SMARCC1: variants seen among roughly 807,000 people sequenced by gnomAD.
SMARCC1 encodes SWI/SNF complex subunit SMARCC1.
In SMARCC1, 43 loss-of-function variants were observed where a neutral mutation model predicts 147.4. The ratio of observed to expected loss-of-function variants is 0.29; its 90% CI spans 0.23 to 0.38. SMARCC1 has a LOEUF of 0.38. Ranked by LOEUF, SMARCC1 falls within the 10% of genes least tolerant of loss-of-function variation. The pLI is 1.00. For synonymous variants in SMARCC1, 495 were observed against 484.4 expected (o/e 1.02, Z -0.29); for missense variants, 1,119 against 1,381.1 (o/e 0.81, Z 3.01).
At chr3:47,681,883 C>T (rs1405659140) in intron 14 of SMARCC1, among the ~76,000 whole-genome samples, 1 of 151,788 alleles carries the variant, frequency 6.6e-6, no homozygotes, top group Non-Finnish European at 1.5e-5. Flanking sequence ...TTAGGAAAGG[C>T]CCACTTTTAA....
chr3:47,727,170 G>A (rs1240282930), intron 6 of SMARCC1, among the ~76,000 whole-genome samples: 3 of 135,020 alleles, frequency 2.2e-5, no homozygotes, highest in South Asian at 2.4e-4. Context: ...CCAAGATGAC[G>A]CCACTACACT....
At chr3:47,771,652 G>C (rs1294587817) in intron 2 of SMARCC1, among the ~76,000 whole-genome samples, 1 of 152,130 alleles carries the variant, frequency 6.6e-6, no homozygotes. Context: ...GCTGAGGCAG[G>C]AGAATCGCTT....
intron 2 of SMARCC1, among the ~76,000 whole-genome samples, chr3:47,749,736 CAGAG>C (rs71070224): frequency 0.012 from 1,292 of 110,830 alleles, 14 homozygotes; most frequent in African/African-American, 0.019. Context: ...GAGAAAGAGA[CAGAG>C]AGAGAGAGAG....
intron 26 of SMARCC1, among the ~76,000 whole-genome samples, chr3:47,600,416 G>A (rs1050480132): frequency 1.3e-5 from 2 of 152,232 alleles, no homozygotes; most frequent in Admixed American, 1.3e-4. Flanking sequence ...ATAAGGTTGA[G>A]TAAGGGTTGA....
intron 27 of SMARCC1, among the ~76,000 whole-genome samples, 176 bp downstream of exon 27, chr3:47,590,485 T>G (rs1413270331): frequency 6.6e-6 from 1 of 152,150 alleles, no homozygotes; most frequent in Admixed American, 6.5e-5. Flanking sequence ...TGTGCACCTG[T>G]CCATCAGGGG....
chr3:47,730,024 T>C (rs774591834), intron 5 of SMARCC1, among the ~76,000 whole-genome samples: 1 of 151,638 alleles, frequency 6.6e-6, no homozygotes, highest in Non-Finnish European at 1.5e-5. Flanking sequence ...ACTAAAAATA[T>C]AAAAATTAGC....
intron 26 of SMARCC1, among the ~76,000 whole-genome samples, chr3:47,595,306 C>G (rs1456618781): frequency 6.6e-6 from 1 of 152,118 alleles, no homozygotes; most frequent in Non-Finnish European, 1.5e-5. Flanking sequence ...GGCGAGATCA[C>G]CTGAGGTCAG....
At position 47,776,303 on chromosome 3, in the gene SMARCC1, A is replaced by T. The variant is rs145077073; in HGVS notation, c.196-3367T>A. 5.1e-4 allele frequency among the ~76,000 whole-genome samples: 77 copies of T among 152,306 alleles called. 1 individual carries two copies. The highest frequency in any genetic ancestry group is 8.7e-4 in the Non-Finnish European group (59 of 68,036). ...CTTTTTTTGTACACGGTAAAGCAAC[A>T]TAAAAAAATAATGACCGGCTGTGCA... On this transcript the variant is annotated intron_variant, in intron 1 of 27. Coordinates refer to ENST00000254480, the MANE Select transcript of SMARCC1 (RefSeq NM_003074.4).
intron 26 of SMARCC1, among the ~76,000 whole-genome samples, chr3:47,598,862 G>GAC (rs113400730): frequency 0.52 from 65,849 of 127,348 alleles, 17,107 homozygotes; most frequent in Non-Finnish European, 0.54. Flanking sequence ...GAGAGAGAGA[G>GAC]ACACACACAC....
intron 8 of SMARCC1, among the ~76,000 whole-genome samples, chr3:47,713,008 A>G (rs1185822253): frequency 6.6e-6 from 1 of 152,106 alleles, no homozygotes; most frequent in Non-Finnish European, 1.5e-5. Context: ...TCAACATTTA[A>G]TTTCCAAAAA....
At chr3:47,752,009 G>A (rs56895758) in intron 2 of SMARCC1, among the ~76,000 whole-genome samples, 1 of 152,114 alleles carries the variant, frequency 6.6e-6, no homozygotes, top group African/African-American at 2.4e-5. Flanking sequence ...ACTTGAACCC[G>A]GGAGGCAGAG....
At chr3:47,609,267 T>C (rs1161436712) in intron 26 of SMARCC1, among the ~76,000 whole-genome samples, 1 of 152,024 alleles carries the variant, frequency 6.6e-6, no homozygotes, top group East Asian at 1.9e-4. Flanking sequence ...GAGGCTGAGG[T>C]GGGCGGATCA....
intron 3 of SMARCC1, among the ~76,000 whole-genome samples, chr3:47,743,708 G>GA (rs2034534972): frequency 7.2e-5 from 11 of 151,730 alleles, no homozygotes; most frequent in Admixed American, 6.6e-4. Flanking sequence ...AGCTACTCAG[G>GA]AGGGTGAGGC....
At chr3:47,692,723 A>T (rs180813812) in intron 12 of SMARCC1, among the ~76,000 whole-genome samples, 33 of 152,236 alleles carry the variant, frequency 2.2e-4, no homozygotes, top group African/African-American at 7.9e-4. Context: ...CACAAGTCTC[A>T]CTTAAGAAAG....
chr3:47,766,936 G>A (rs543829335), intron 2 of SMARCC1, among the ~76,000 whole-genome samples: 52 of 152,178 alleles, frequency 3.4e-4, no homozygotes, highest in African/African-American at 1.1e-3. Context: ...TGTAATCCCA[G>A]CACTTTGGGA....
chr3:47,683,759 TAATGGCAGCATCAGC>T (rs1315904189), intron 14 of SMARCC1, among the ~76,000 whole-genome samples: 3 of 151,660 alleles, frequency 2.0e-5, no homozygotes, highest in Non-Finnish European at 2.9e-5. Context: ...AGATTTTGAG[TAATGGCAGCATCAGC>T]AATGTAGACA....
At chr3:47,652,949 C>CTTTTT (rs55872948) in intron 21 of SMARCC1, among the ~76,000 whole-genome samples, 12 of 129,650 alleles carry the variant, frequency 9.3e-5, no homozygotes, top group Non-Finnish European at 1.8e-4. Context: ...GCTTTACTTT[C>CTTTTT]TTTTTTTTTT....
At chr3:47,654,581 A>C (rs2033233613) in intron 21 of SMARCC1, among the ~76,000 whole-genome samples, 2 of 152,200 alleles carry the variant, frequency 1.3e-5, no homozygotes, top group South Asian at 4.1e-4. Flanking sequence ...ATAAAGAAAA[A>C]GGGTTTATTT....
chr3:47,603,703 A>G, intron 26 of SMARCC1: 1 of 237,806 alleles, frequency 4.2e-6, no homozygotes, highest in Non-Finnish European at 8.4e-6. Flanking sequence ...ATATAATTTT[A>G]TAGTTTAAAT....
Sources: allele counts gnomAD v4.1 joint callset (sites outside exome capture counted in the v4.1 genomes callset), GRCh38; gene constraint gnomAD v4.1.1; transcripts MANE v1.5; gene names NCBI Gene and HGNC (gene_info 2026-07-23, HGNC 2026-07-21).